FHIT: variants seen among roughly 807,000 people sequenced by gnomAD.
The protein encoded by FHIT is bis(5'-adenosyl)-triphosphatase.
Under a neutral mutation model 17.9 loss-of-function variants are expected in FHIT, and 19 were observed. The observed-to-expected ratio is 1.06, with a 90% CI of 0.74 to 1.56. The LOEUF (loss-of-function observed/expected upper bound fraction) is 1.56, where lower values mean the gene tolerates loss of function less well. Ranked by LOEUF, FHIT falls within the 40% of genes most tolerant of loss-of-function variation. The pLI is 0.00. For missense variants in FHIT, 248 were observed against 189.2 expected (o/e 1.31, Z -1.82); for synonymous variants, 81 against 69.7 (o/e 1.16, Z -0.81).
chr3:60,782,856 G>A (rs1700439492), intron 4 of FHIT, among the ~76,000 whole-genome samples: 1 of 152,120 alleles, frequency 6.6e-6, no homozygotes, highest in Non-Finnish European at 1.5e-5. Flanking sequence ...AGGGTAAACA[G>A]GCATAAAGGG....
intron 5 of FHIT, among the ~76,000 whole-genome samples, chr3:60,077,147 T>C (rs1017322209): frequency 6.6e-6 from 1 of 152,052 alleles, no homozygotes; most frequent in African/African-American, 2.4e-5. Flanking sequence ...TCAAGGACTC[T>C]GAAGTATATT....
intron 7 of FHIT, among the ~76,000 whole-genome samples, chr3:59,949,728 A>G (rs1229864450): frequency 6.6e-6 from 1 of 152,208 alleles, no homozygotes; most frequent in Non-Finnish European, 1.5e-5. Context: ...GAACACATAC[A>G]TTTCAGAACT....
chr3:60,386,438 T>C (rs1298829966), intron 5 of FHIT, among the ~76,000 whole-genome samples: 1 of 152,176 alleles, frequency 6.6e-6, no homozygotes. Context: ...TCACAATATC[T>C]ATAAAAACAT....
chr3:60,529,632 G>C (rs1476242227), intron 5 of FHIT, among the ~76,000 whole-genome samples: 1 of 152,126 alleles, frequency 6.6e-6, no homozygotes, highest in Non-Finnish European at 1.5e-5. Flanking sequence ...AAAATCTGAT[G>C]ACTTGCATGG....
At chr3:60,441,757 A>ATTT (rs1336572305) in intron 5 of FHIT, among the ~76,000 whole-genome samples, 7 of 55,944 alleles carry the variant, frequency 1.3e-4, no homozygotes, top group Middle Eastern at 0.01. Flanking sequence ...TATATATAAA[A>ATTT]ATATATATAT....
intron 8 of FHIT, among the ~76,000 whole-genome samples, chr3:59,799,545 AC>A (rs1699912422): frequency 6.6e-6 from 1 of 152,198 alleles, no homozygotes; most frequent in South Asian, 2.1e-4. Flanking sequence ...ACCAGCTGGC[AC>A]CTGTGCCTTG....
rs529294015 is a variant in FHIT at position 59,941,530 on chromosome 3, C to T, written c.280-19116G>A. Among the ~76,000 whole-genome samples the T allele has an allele frequency of 2.0e-5, 3 of 152,314 alleles. No individual in the cohort carries two copies. The East Asian group carries it at 5.8e-4, about 29-fold the overall frequency. On this transcript the variant is annotated intron_variant, in intron 7 of 9. Coordinates refer to ENST00000492590, the MANE Select transcript of FHIT (RefSeq NM_002012.4). ...CTTTTATCCTGACACATTGCATAGA[C>T]TCCTGTTGTGGGTACTGTGTAGTTA...
At chr3:60,636,574 C>T (rs1322785200) in intron 4 of FHIT, among the ~76,000 whole-genome samples, 4 of 152,098 alleles carry the variant, frequency 2.6e-5, no homozygotes, top group African/African-American at 9.7e-5. Context: ...TCAAGAGTGG[C>T]AAAATGCTGA....
intron 4 of FHIT, among the ~76,000 whole-genome samples, chr3:60,590,679 T>C (rs1256003633): frequency 6.6e-6 from 1 of 152,140 alleles, no homozygotes; most frequent in Non-Finnish European, 1.5e-5. Context: ...ATTCCATTAG[T>C]AAAATAAGTC....
chr3:59,939,082 T>G (rs1035381882), intron 7 of FHIT, among the ~76,000 whole-genome samples: 1 of 152,160 alleles, frequency 6.6e-6, no homozygotes, highest in Non-Finnish European at 1.5e-5. Flanking sequence ...CAACAGACAG[T>G]GGGGGAAGCC....
intron 2 of FHIT, among the ~76,000 whole-genome samples, chr3:61,087,477 A>G (rs1048191309): frequency 6.6e-5 from 10 of 152,176 alleles, no homozygotes; most frequent in African/African-American, 2.4e-4. Context: ...AAATGGGGAT[A>G]ATGGTAGAAT....
rs925949372 is a variant in FHIT at position 59,838,655 on chromosome 3, C to T, written c.348+83691G>A. Among the ~76,000 whole-genome samples the T allele has an allele frequency of 4.6e-5, 7 of 152,122 alleles. No homozygotes were observed. The East Asian group carries it at 7.7e-4, about 17-fold the overall frequency. ...ATATGCCAGCTCCAAAATGAGCAAG[C>T]GGTGAGAGTTTTGATCCAGTTGTGT... On this transcript the variant is annotated intron_variant, in intron 8 of 9. Transcript: ENST00000492590.
At chr3:61,046,927 C>T (rs577945134) in intron 2 of FHIT, among the ~76,000 whole-genome samples, 49 of 152,182 alleles carry the variant, frequency 3.2e-4, no homozygotes, top group Non-Finnish European at 5.6e-4. Flanking sequence ...AAAAAGCCTT[C>T]GAAAAAATTT....
At chr3:60,278,379 C>A (rs1325226139) in intron 5 of FHIT, among the ~76,000 whole-genome samples, 4 of 152,206 alleles carry the variant, frequency 2.6e-5, no homozygotes, top group African/African-American at 9.6e-5. Flanking sequence ...CCCCTCCAGA[C>A]TCTTTTAGCC....
intron 3 of FHIT, among the ~76,000 whole-genome samples, chr3:61,022,398 T>C (rs2032493420): frequency 6.6e-6 from 1 of 152,194 alleles, no homozygotes; most frequent in African/African-American, 2.4e-5. Context: ...GATCCACAGC[T>C]GAATTCTACC....
rs183632626 is a variant in FHIT at position 60,611,810 on chromosome 3, C to A, written c.-17-74831G>T. 3.3e-5 allele frequency among the ~76,000 whole-genome samples: 5 copies of A among 152,242 alleles called. No individual in the cohort carries two copies. The East Asian group carries it at 9.7e-4, about 29-fold the overall frequency. Reference sequence around the variant, plus strand: ...CCAGTAGTTTGATTTCATACTTGTCCTAAACCTTTAAACTTGTTCTACCCA... The same window carrying A: ...CCAGTAGTTTGATTTCATACTTGTCATAAACCTTTAAACTTGTTCTACCCA... On this transcript the variant is annotated intron_variant, in intron 4 of 9. Transcript: ENST00000492590.
intron 5 of FHIT, among the ~76,000 whole-genome samples, chr3:60,034,424 A>G (rs1024336793): frequency 3.3e-5 from 5 of 152,240 alleles, no homozygotes; most frequent in Admixed American, 2.6e-4. Flanking sequence ...GTAGGCAAGA[A>G]GATGATATGA....
chr3:60,172,741 T>C (rs889873994), intron 5 of FHIT, among the ~76,000 whole-genome samples: 2 of 151,970 alleles, frequency 1.3e-5, no homozygotes, highest in Non-Finnish European at 2.9e-5. Flanking sequence ...TGAGACAAGG[T>C]TGGTGTGAGA....
At chr3:60,340,473 A>G (rs981488337) in intron 5 of FHIT, among the ~76,000 whole-genome samples, 1 of 152,200 alleles carries the variant, frequency 6.6e-6, no homozygotes, top group African/African-American at 2.4e-5. Context: ...TTCAGATGCA[A>G]AAGACTTGAC....
Sources: allele counts gnomAD v4.1 joint callset (sites outside exome capture counted in the v4.1 genomes callset), GRCh38; gene constraint gnomAD v4.1.1; transcripts MANE v1.5; gene names NCBI Gene and HGNC (gene_info 2026-07-23, HGNC 2026-07-21).